Variants in FSIP2 observed in about 807,000 individuals in gnomAD.
FSIP2 encodes the protein fibrous sheath-interacting protein 2.
Under a neutral mutation model 510.5 loss-of-function variants are expected in FSIP2, and 367 were observed. The observed-to-expected ratio is 0.72, with a 90% CI of 0.66 to 0.78. The LOEUF is 0.78. Among genes scored for constraint, FSIP2 ranks in the 30% least tolerant of loss-of-function variants. FSIP2 has a pLI of 0.00. For missense variants in FSIP2, 7,594 were observed against 7,901.7 expected (o/e 0.96, Z 1.48); for synonymous variants, 2,601 against 2,732.2 (o/e 0.95, Z 1.50).
rs1348236835 is a variant in FSIP2 at position 185,738,988 on chromosome 2, A to G, written c.94A>G (p.Arg32Gly). 1.3e-6 allele frequency: 2 copies of G among 1,532,786 alleles called. No homozygotes were observed. The highest frequency in any genetic ancestry group is 1.4e-5 in the African/African-American group (1 of 73,066). The allele number at this position is 1,532,786 out of a possible 1,614,324, so 94.9% of individuals were successfully genotyped here. A position where few individuals can be genotyped will look rare whatever the true frequency, so the allele number is the denominator to read the frequency against. ...SVLAADTQQC[R>G]DGVHKTHFAG... ...CCTGGCCGCGGACACCCAGCAGTGC[A>G]GAGACGTGAGTGGCCGCAAGCTGGG... is the stretch of plus-strand genomic sequence containing the variant. Residue 32 changes from arginine to glycine, a missense_variant, in exon 1 of 23, where the codon AGA (arginine) becomes GGA (glycine). Coordinates refer to ENST00000424728, the MANE Select transcript of FSIP2 (RefSeq NM_173651.4).
In FSIP2 at chr2:185,789,533, A is replaced by T; in HGVS notation, c.2397A>T (p.Ser799=). Residue 799 remains serine, a synonymous_variant, in exon 16 of 23, where the codon TCA becomes TCT. Transcript: ENST00000424728. ...SLAASDELLT[S]SNGKPLKNSM... ...CAGCCAGTGATGAACTTCTCACATCATCTAATGGAAAACCTTTGAAAAATT... is the reference window on the plus strand; with the variant it reads ...CAGCCAGTGATGAACTTCTCACATCTTCTAATGGAAAACCTTTGAAAAATT... 1.3e-6 allele frequency: 2 copies of T among 1,534,744 alleles called. No homozygotes were observed. The highest frequency in any genetic ancestry group is 1.7e-6 in the Non-Finnish European group (2 of 1,145,910).
At chr2:185,823,192 G>A (rs1693956538) in intron 19 of FSIP2, among the ~76,000 whole-genome samples, 1 of 151,694 alleles carries the variant, frequency 6.6e-6, no homozygotes, top group African/African-American at 2.4e-5. Context: ...GCACAAGCAA[G>A]AAAAGAAAAA....
In FSIP2 at chr2:185,796,458, T is replaced by C. The variant is rs1190033589; in HGVS notation, c.9322T>C (p.Ser3108Pro). 3.3e-6 allele frequency: 5 copies of C among 1,534,936 alleles called. No individual in the cohort carries two copies. In the South Asian group the frequency reaches 4.8e-5, roughly 15 times the overall value. Residue 3108 changes from serine to proline, a missense_variant, in exon 16 of 23, where the codon TCA (serine) becomes CCA (proline). Transcript: ENST00000424728. ...CGAAATAAGCCAAATGGAACCATCT[T>C]CAATTAGCATATTGAAAGAGAACAT... The part of the protein sequence containing the change: ...DNEISQMEPS[S>P]ISILKENIVA...
intron 20 of FSIP2, among the ~76,000 whole-genome samples, chr2:185,827,328 T>A (rs573032905): frequency 6.6e-6 from 1 of 151,934 alleles, no homozygotes; most frequent in Non-Finnish European, 1.5e-5. Flanking sequence ...TGGTTCTTGA[T>A]GAGTGTAGCT....
chr2:185,787,552 A>T (rs1693017948), intron 15 of FSIP2, among the ~76,000 whole-genome samples: 2 of 151,864 alleles, frequency 1.3e-5, no homozygotes, highest in African/African-American at 4.8e-5. Flanking sequence ...ACTTGTGTTT[A>T]CAAGCTCTAT....
At chr2:185,747,196 C>T (rs955131980) in intron 6 of FSIP2, 117 bp from the exon 7 acceptor site, 1 of 606,724 alleles carries the variant, frequency 1.6e-6, no homozygotes, top group Non-Finnish European at 2.9e-6. Flanking sequence ...TTTCATTATG[C>T]TTAACCTGAT....
rs747002427 is a variant in FSIP2, at chr2:185,831,885, A to G, written c.20587+3A>G. ...TCCCTCAAAGGAAGTCATTTCAGGT[A>G]CAAAATGTACTATTTTAACAACTGG... On this transcript the variant is annotated splice_donor_region_variant and intron_variant, in intron 22 of 22. Transcript: ENST00000424728. The G allele has an allele frequency of 1.9e-6, 3 of 1,559,130 alleles. No homozygotes were observed. The highest frequency in any genetic ancestry group is 2.7e-6 in the Non-Finnish European group (3 of 1,130,962).
intron 9 of FSIP2, among the ~76,000 whole-genome samples, chr2:185,758,781 G>A (rs1422580557): frequency 6.6e-6 from 1 of 151,068 alleles, no homozygotes; most frequent in Non-Finnish European, 1.5e-5. Context: ...ATCGATAGCT[G>A]GGCCTATTTC....
chr2:185,775,769 T>G (rs895936538), intron 13 of FSIP2, among the ~76,000 whole-genome samples: 1 of 152,074 alleles, frequency 6.6e-6, no homozygotes, highest in Non-Finnish European at 1.5e-5. Flanking sequence ...GTTCAAGCAG[T>G]TCTCCTGCCT....
rs1402593727 is a variant in FSIP2 at position 185,793,056 on chromosome 2, G to T, written c.5920G>T (p.Glu1974Ter). The change falls in exon 16 of 23, where the codon GAG becomes TAG. Residue 1974 changes from glutamate (E) to a stop codon, truncating the protein, a stop_gained. Coordinates refer to ENST00000424728, the MANE Select transcript of FSIP2 (RefSeq NM_173651.4). LOFTEE classifies it high-confidence loss of function. Reference protein sequence around the residue: ...ALSAKDSYSDEQFSCCSVDHT... With the variant: ...ALSAKDSYSD ...ATCAGCCAAAGATTCATATTCTGATGAGCAATTTTCCTGTTGCTCAGTAGA... is the reference window on the plus strand; with the variant it reads ...ATCAGCCAAAGATTCATATTCTGATTAGCAATTTTCCTGTTGCTCAGTAGA... 2 of 1,534,156 alleles carry T rather than the reference G, an allele frequency of 1.3e-6. No homozygotes were observed. Among genetic ancestry groups the T allele is most frequent in the African/African-American group, 2.7e-5 (2 of 72,856 alleles).
At position 185,795,560 on chromosome 2, in the gene FSIP2, A is replaced by G; in HGVS notation, c.8424A>G (p.Thr2808=). The G allele has an allele frequency of 6.5e-7, 1 of 1,535,132 alleles. No individual in the cohort carries two copies. The highest frequency in any genetic ancestry group is 8.7e-7 in the Non-Finnish European group (1 of 1,146,102). Residue 2808 remains threonine, a synonymous_variant, in exon 16 of 23, where the codon ACA becomes ACG. Transcript: ENST00000424728. ...HLRLSQGNIG[T]GSLPKQQACF... is the part of the protein sequence containing the mutation. ...GACTTTCACAGGGGAATATAGGCAC[A>G]GGATCCCTTCCTAAACAACAAGCAT...
chr2:185,778,872 A>G (rs899459751), intron 13 of FSIP2, among the ~76,000 whole-genome samples: 2 of 151,690 alleles, frequency 1.3e-5, no homozygotes, highest in African/African-American at 4.8e-5. Flanking sequence ...GGGCTTGCAA[A>G]CTCCTTAATG....
Position 185,793,488 on chromosome 2 carries a change from C to A in FSIP2, c.6352C>A (p.Leu2118Met). 1 of 1,534,454 alleles carries A rather than the reference C, an allele frequency of 6.5e-7. No individual in the cohort carries two copies. The highest frequency in any genetic ancestry group is 8.7e-7 in the Non-Finnish European group (1 of 1,145,690). The part of the protein sequence containing the change: ...QNNLSFATPT[L>M]KCSIADKHSE... ...TAATCTCTCATTTGCCACACCCACT[C>A]TGAAATGTAGCATAGCTGATAAACA... The change falls in exon 16 of 23, where the codon CTG (leucine) becomes ATG (methionine). Residue 2118 changes from leucine (L) to methionine (M), a missense_variant. Leu to Met is a conservative substitution (Grantham distance 15). Transcript: ENST00000424728.
In FSIP2 at chr2:185,763,286, A is replaced by T. The variant is rs1484173298; in HGVS notation, c.1344A>T (p.Glu448Asp). ...AGGCATTTTTGGATCCTTCAAAAGA[A>T]GAGGTATATAACAGTTCTTTTACCC... Reference protein sequence around the residue: ...VSQAFLDPSKEEKETNADWDG... With the variant: ...VSQAFLDPSKDEKETNADWDG... Residue 448 changes from glutamate to aspartate, a missense_variant, in exon 12 of 23, where the codon GAA becomes GAT. Coordinates refer to ENST00000424728, the MANE Select transcript of FSIP2 (RefSeq NM_173651.4). The T allele has an allele frequency of 7.4e-7, 1 of 1,342,530 alleles. No individual in the cohort carries two copies. Among genetic ancestry groups the T allele is most frequent in the Non-Finnish European group, 1.0e-6 (1 of 970,704 alleles). 83.2% of individuals were successfully genotyped at this position (1,342,530 alleles called of 1,614,324 possible).
intron 9 of FSIP2, among the ~76,000 whole-genome samples, chr2:185,756,495 A>ATAT (rs1443360388): frequency 6.6e-6 from 1 of 151,454 alleles, no homozygotes; most frequent in Non-Finnish European, 1.5e-5. Flanking sequence ...ACCTGACATT[A>ATAT]TATTATTATT....
chr2:185,768,833 C>T (rs1486205734), intron 13 of FSIP2, among the ~76,000 whole-genome samples: 12 of 152,054 alleles, frequency 7.9e-5, no homozygotes. Context: ...CTCTTCGAGT[C>T]CATGTTTTCT....
At chr2:185,769,585 A>G (rs1387839875) in intron 13 of FSIP2, among the ~76,000 whole-genome samples, 1 of 151,940 alleles carries the variant, frequency 6.6e-6, no homozygotes, top group African/African-American at 2.4e-5. Context: ...TGTTTACTGT[A>G]TTACTAGTTT....
chr2:185,831,908 T>G (rs1226709837), intron 22 of FSIP2, 26 bp downstream of exon 22: 3 of 1,392,304 alleles, frequency 2.2e-6, no homozygotes, highest in Admixed American at 1.7e-5. Flanking sequence ...TTTTAACAAC[T>G]GGTGTAATTA....
At chr2:185,832,812 T>C (rs952101224) in intron 22 of FSIP2, among the ~76,000 whole-genome samples, 1 of 151,938 alleles carries the variant, frequency 6.6e-6, no homozygotes, top group Admixed American at 6.6e-5. Flanking sequence ...TTGAGCATTC[T>C]GAAATAGGTG....
Sources: allele counts gnomAD v4.1 joint callset (sites outside exome capture counted in the v4.1 genomes callset), GRCh38; gene constraint gnomAD v4.1.1; transcripts MANE v1.5; gene names NCBI Gene and HGNC (gene_info 2026-07-23, HGNC 2026-07-21).